The following NUMB variants were observed in gnomAD, a reference collection of about 807,000 sequenced individuals.
The protein encoded by NUMB is NUMB endocytic adaptor protein.
In NUMB, 29 loss-of-function variants were observed where a neutral mutation model predicts 59.7. That is an observed-to-expected ratio of 0.49 (90% CI 0.36 to 0.66). NUMB has a LOEUF of 0.66. Ranked by LOEUF, NUMB falls within the 30% of genes least tolerant of loss-of-function variation. NUMB has a pLI of 0.00. For synonymous variants in NUMB, 288 were observed against 288.2 expected, an observed-to-expected ratio of 1.00 and a Z score of 0.01; for missense variants, 723 against 822.0, an observed-to-expected ratio of 0.88 and a Z score of 1.47.
At chr14:73,386,612 T>C (rs897105326) in intron 2 of NUMB, among the ~76,000 whole-genome samples, 2 of 152,156 alleles carry the variant, frequency 1.3e-5, no homozygotes, top group African/African-American at 4.8e-5. Flanking sequence ...AGGCTCCTGA[T>C]TGCAAGAAGA....
chr14:73,332,862 T>C (rs977595920), intron 4 of NUMB, among the ~76,000 whole-genome samples: 1 of 151,918 alleles, frequency 6.6e-6, no homozygotes, highest in Non-Finnish European at 1.5e-5. Context: ...ATACAATATA[T>C]GGCCTTTCAT....
At chr14:73,283,938 A>G (rs1205798474) in intron 10 of NUMB, 143 bp downstream of exon 10, 3 of 738,094 alleles carry the variant, frequency 4.1e-6, no homozygotes, top group East Asian at 2.7e-5. Flanking sequence ...TTTTCCCACT[A>G]TGGGAAATGA....
chr14:73,394,405 T>TAAAAAA (rs74677402), intron 2 of NUMB, among the ~76,000 whole-genome samples: 2 of 137,422 alleles, frequency 1.5e-5, no homozygotes, highest in Non-Finnish European at 3.1e-5. Flanking sequence ...CAGTTTTCTT[T>TAAAAAA]AAAAAAAAAA....
At chr14:73,357,175 G>A (rs1893835350) in intron 3 of NUMB, 1 of 186,228 alleles carries the variant, frequency 5.4e-6, no homozygotes, top group South Asian at 1.8e-4. Flanking sequence ...GGCCGAGGCA[G>A]GTGGATCACT....
intron 6 of NUMB, among the ~76,000 whole-genome samples, chr14:73,301,942 G>A (rs74992353): frequency 0.064 from 9,787 of 152,148 alleles, 774 homozygotes; most frequent in African/African-American, 0.18. Context: ...AATTAGCCAG[G>A]TGTGGGGGCA....
At chr14:73,367,620 T>A (rs1014796095) in intron 2 of NUMB, among the ~76,000 whole-genome samples, 1 of 151,340 alleles carries the variant, frequency 6.6e-6, no homozygotes, top group Non-Finnish European at 1.5e-5. Context: ...CAAAAAACTT[T>A]AAAAATTAGC....
intron 10 of NUMB, among the ~76,000 whole-genome samples, chr14:73,283,366 A>G (rs1478062467): frequency 2.0e-5 from 3 of 152,234 alleles, no homozygotes; most frequent in Non-Finnish European, 4.4e-5. Flanking sequence ...CTATTGAGAC[A>G]GTTTCCTCAT....
At chr14:73,341,367 A>G (rs1892622527) in intron 4 of NUMB, among the ~76,000 whole-genome samples, 1 of 152,192 alleles carries the variant, frequency 6.6e-6, no homozygotes, top group Non-Finnish European at 1.5e-5. Flanking sequence ...ATCTAGGTGG[A>G]AAAGGGTCAA....
chr14:73,295,392 G>A (rs2139840852), intron 7 of NUMB, among the ~76,000 whole-genome samples: 1 of 152,270 alleles, frequency 6.6e-6, no homozygotes, highest in East Asian at 1.9e-4. Flanking sequence ...TAGCCACAAG[G>A]GGGCAATATC....
intron 2 of NUMB, among the ~76,000 whole-genome samples, chr14:73,393,750 T>C (rs1895975141): frequency 6.6e-6 from 1 of 152,202 alleles, no homozygotes; most frequent in Admixed American, 6.5e-5. Flanking sequence ...CTAATAAAAG[T>C]CTTTAAAATA....
intron 2 of NUMB, among the ~76,000 whole-genome samples, chr14:73,404,178 G>A (rs935965212): frequency 6.6e-6 from 1 of 151,836 alleles, no homozygotes; most frequent in Non-Finnish European, 1.5e-5. Flanking sequence ...GGAGGCAGAG[G>A]TTGCAATGAG....
At chr14:73,310,413 C>T (rs1890716742) in intron 6 of NUMB, among the ~76,000 whole-genome samples, 1 of 152,322 alleles carries the variant, frequency 6.6e-6, no homozygotes, top group African/African-American at 2.4e-5. Flanking sequence ...GCAGGCCATA[C>T]AATCCATGTT....
chr14:73,285,565 T>A (rs1947833972), intron 9 of NUMB: 1 of 152,140 alleles, frequency 6.6e-6, no homozygotes, highest in Non-Finnish European at 1.5e-5. Flanking sequence ...ATGTATGCTT[T>A]TTTTTTGGAG....
At chr14:73,287,377 T>G (rs1291176076) in intron 8 of NUMB, 63 bp from the exon 9 acceptor site, 17 of 1,365,156 alleles carry the variant, frequency 1.2e-5, no homozygotes, top group Non-Finnish European at 1.6e-5. Context: ...TACAAATAAG[T>G]CTTTTGTTTT....
chr14:73,336,889 C>A (rs1892346464), intron 4 of NUMB, among the ~76,000 whole-genome samples: 1 of 152,144 alleles, frequency 6.6e-6, no homozygotes, highest in Admixed American at 6.5e-5. Context: ...GTTGACTATT[C>A]AAAAAATCTA....
At chr14:73,453,533 C>T (rs1228575582) in intron 1 of NUMB, among the ~76,000 whole-genome samples, 1 of 151,998 alleles carries the variant, frequency 6.6e-6, no homozygotes, top group African/African-American at 2.4e-5. Flanking sequence ...GCTGAACATA[C>T]ATCCTAAAGC....
At position 73,297,177 on chromosome 14, in the gene NUMB, T is replaced by G. The variant is rs777996429; in HGVS notation, c.309+34A>C. On this transcript the variant is annotated intron_variant, in intron 7 of 12. Coordinates refer to ENST00000555238, the MANE Select transcript of NUMB (RefSeq NM_001005743.2). ...AGTGAAACTCCATCTCCAAAAAAAA[T>G]AAAATAAATCAAAATAAAAATAAAG... 1.3e-5 allele frequency: 18 copies of G among 1,426,334 alleles called. No individual in the cohort carries two copies. The African/African-American group carries it at 2.0e-4, about 16-fold the overall frequency. The allele number at this position is 1,426,334 out of a possible 1,614,324, so 88.4% of individuals were successfully genotyped here.
intron 6 of NUMB, among the ~76,000 whole-genome samples, chr14:73,310,050 C>G (rs1594891268): frequency 6.6e-6 from 1 of 152,022 alleles, no homozygotes; most frequent in East Asian, 1.9e-4. Flanking sequence ...TCTGTTAGAA[C>G]AGATATTATA....
At chr14:73,277,505 AG>A (rs1284625435) in intron 12 of NUMB, among the ~76,000 whole-genome samples, 24 of 152,170 alleles carry the variant, frequency 1.6e-4, no homozygotes, top group Non-Finnish European at 3.4e-4. Context: ...CTGCTGTGTC[AG>A]CCACACTGAA....
Sources: gnomAD v4.1 joint callset for allele counts (sites outside exome capture counted in the v4.1 genomes callset) on GRCh38, gnomAD v4.1.1 for gene constraint, MANE v1.5 for transcripts, NCBI Gene and HGNC (gene_info 2026-07-23, HGNC 2026-07-21) for gene names.